Variants in ANAPC10 observed in about 807,000 individuals in gnomAD.
ANAPC10 encodes the protein anaphase promoting complex subunit 10, also known as anaphase-promoting complex subunit 10.
In ANAPC10, 12 loss-of-function variants were observed where a neutral mutation model predicts 22.0. The observed-to-expected ratio is 0.55, with a 90% CI of 0.35 to 0.88. The LOEUF is 0.88. ANAPC10 is among the 40% of genes least tolerant of loss of function. The pLI, the probability that ANAPC10 is intolerant of heterozygous loss-of-function variation, is 0.01. For missense variants in ANAPC10, 188 were observed against 220.9 expected, an observed-to-expected ratio of 0.85 and a Z score of 0.94; for synonymous variants, 65 against 69.5, an observed-to-expected ratio of 0.94 and a Z score of 0.32.
intron 1 of ANAPC10, chr4:145,097,382 A>C: frequency 5.9e-6 from 5 of 853,714 alleles, no homozygotes; most frequent in Non-Finnish European, 8.4e-6. Flanking sequence ...TATGTGAAAA[A>C]ACACTTCAAT....
intron 2 of ANAPC10, among the ~76,000 whole-genome samples, chr4:145,085,542 T>C (rs576527665): frequency 6.6e-6 from 1 of 152,110 alleles, no homozygotes; most frequent in South Asian, 2.1e-4. Flanking sequence ...TAGTATTTGT[T>C]CTTAAAATGC....
rs1287102797 is a variant in ANAPC10, at chr4:145,026,945, A to ATATATATATATATATGTGTG, written c.328-31343_328-31342insCACACATATATATATATATA. 4.4e-3 allele frequency among the ~76,000 whole-genome samples: 76 copies of ATATATATATATATATGTGTG among 17,132 alleles called. 1 individual carries two copies. Among genetic ancestry groups the ATATATATATATATATGTGTG allele is most frequent in the South Asian group, 0.016 (3 of 188 alleles). 11.2% of individuals were successfully genotyped at this position (17,132 alleles called of 152,430 possible). ...CATATATATATATATATATATATATATGTGTGTGTGTGTATATATATATAT... is the reference window on the plus strand; with the variant it reads ...CATATATATATATATATATATATATATATATATATATATATGTGTGTGTGTGTGTGTGTATATATATATAT... On this transcript the variant is annotated intron_variant, in intron 4 of 4. Transcript: ENST00000507656.
At chr4:145,031,179 T>C (rs1200171080) in intron 4 of ANAPC10, among the ~76,000 whole-genome samples, 1 of 152,220 alleles carries the variant, frequency 6.6e-6, no homozygotes, top group Non-Finnish European at 1.5e-5. Flanking sequence ...CTTTGTGTCA[T>C]AATCTTATTC....
intron 3 of ANAPC10, among the ~76,000 whole-genome samples, chr4:145,076,079 T>G (rs987682829): frequency 9.2e-5 from 14 of 152,190 alleles, no homozygotes; most frequent in Non-Finnish European, 1.3e-4. Flanking sequence ...GCCACTGCCA[T>G]AGCTTTTTCA....
At chr4:145,089,085 T>C (rs73851360) in intron 2 of ANAPC10, among the ~76,000 whole-genome samples, 1 of 152,134 alleles carries the variant, frequency 6.6e-6, no homozygotes, top group Admixed American at 6.6e-5. Context: ...CCTTCCATAA[T>C]CCCACAAACT....
At chr4:145,079,853 C>T (rs777111196) in intron 3 of ANAPC10, among the ~76,000 whole-genome samples, 8 of 152,074 alleles carry the variant, frequency 5.3e-5, no homozygotes, top group Non-Finnish European at 8.8e-5. Context: ...GTGGCTCACA[C>T]GTATAATCCC....
Position 145,096,024 on chromosome 4 carries a change from C to G in ANAPC10, c.76G>C (p.Gly26Arg). 1 of 1,614,022 alleles carries G rather than the reference C, an allele frequency of 6.2e-7. No individual in the cohort carries two copies. The highest frequency in any genetic ancestry group is 8.5e-7 in the Non-Finnish European group (1 of 1,179,954). Residue 26 changes from glycine to arginine, a missense_variant, in exon 2 of 5, where the codon GGG (glycine) becomes CGG (arginine). By Grantham distance (125) the Gly-to-Arg change is moderately radical. Transcript: ENST00000507656. Reference sequence around the variant, plus strand: ...GAGAGTGACCAAACAGCTTGTGACCCAATTTCCCGTACTGTTCCAGTCCTT... The same window carrying G: ...GAGAGTGACCAAACAGCTTGTGACCGAATTTCCCGTACTGTTCCAGTCCTT... ...LERTGTVREI[G>R]SQAVWSLSSC...
Position 145,074,060 on chromosome 4 carries a change from T to TA in ANAPC10, c.206+7599dup, listed in dbSNP as rs539431260. Among the ~76,000 whole-genome samples the TA allele has an allele frequency of 1.1e-3, 170 of 151,914 alleles. 1 individual carries two copies. The highest frequency in any genetic ancestry group is 9.6e-4 in the Non-Finnish European group (65 of 67,856). ...TTAAAATATTATTCCCAATATTCCTTAAAAAATTATTAACGAATTTTGAAA... is the reference window on the plus strand; with the variant it reads ...TTAAAATATTATTCCCAATATTCCTTAAAAAAATTATTAACGAATTTTGAAA... On this transcript the variant is annotated intron_variant, in intron 3 of 4. Transcript: ENST00000507656.
chr4:145,022,784 A>G (rs1188011538), intron 4 of ANAPC10, among the ~76,000 whole-genome samples: 1 of 151,654 alleles, frequency 6.6e-6, no homozygotes, highest in Non-Finnish European at 1.5e-5. Context: ...AACTTTATAA[A>G]AAACTGCCAA....
chr4:145,057,709 T>G (rs1038513736), intron 4 of ANAPC10, among the ~76,000 whole-genome samples: 2 of 152,170 alleles, frequency 1.3e-5, no homozygotes, highest in African/African-American at 4.8e-5. Context: ...TCTCATTATC[T>G]AAGTCCCTTT....
intron 4 of ANAPC10, among the ~76,000 whole-genome samples, chr4:145,038,025 C>T (rs935394754): frequency 1.4e-5 from 2 of 147,666 alleles, no homozygotes; most frequent in African/African-American, 5.0e-5. Flanking sequence ...CAACTGATAA[C>T]AATGAAGCCT....
chr4:145,037,018 GTGTGTGTGTGTGTGTGTGTGTA>G (rs981139865), intron 4 of ANAPC10, among the ~76,000 whole-genome samples: 5 of 142,294 alleles, frequency 3.5e-5, no homozygotes, highest in Admixed American at 1.4e-4. Context: ...GTGTGTGTGT[GTGTGTGTGTGTGTGTGTGTGTA>G]TGTGTGTGCA....
chr4:145,050,992 C>T (rs984734167), intron 4 of ANAPC10, among the ~76,000 whole-genome samples: 3 of 152,188 alleles, frequency 2.0e-5, no homozygotes, highest in Non-Finnish European at 4.4e-5. Context: ...TTCACAACTT[C>T]GCTGTTTGGA....
At chr4:145,025,183 A>C (rs1329081443) in intron 4 of ANAPC10, among the ~76,000 whole-genome samples, 1 of 152,110 alleles carries the variant, frequency 6.6e-6, no homozygotes, top group Non-Finnish European at 1.5e-5. Context: ...TTGATTTTCT[A>C]TCCAGAACAT....
chr4:145,075,179 A>T (rs567052237), intron 3 of ANAPC10, among the ~76,000 whole-genome samples: 12 of 152,246 alleles, frequency 7.9e-5, no homozygotes, highest in African/African-American at 2.9e-4. Flanking sequence ...TAGCAACCAC[A>T]TCACACTGTT....
intron 3 of ANAPC10, among the ~76,000 whole-genome samples, chr4:145,067,646 TG>T (rs1743903389): frequency 6.6e-6 from 1 of 152,220 alleles, no homozygotes; most frequent in Non-Finnish European, 1.5e-5. Context: ...ATATCAGTTC[TG>T]TCTGTTTTAT....
intron 4 of ANAPC10, among the ~76,000 whole-genome samples, chr4:145,009,038 A>C (rs1456685466): frequency 6.6e-6 from 1 of 152,126 alleles, no homozygotes; most frequent in Non-Finnish European, 1.5e-5. Context: ...ATTCCTATAC[A>C]CTAATAACAG....
At chr4:145,031,101 T>G (rs756895343) in intron 4 of ANAPC10, among the ~76,000 whole-genome samples, 18 of 152,204 alleles carry the variant, frequency 1.2e-4, no homozygotes, top group Non-Finnish European at 2.4e-4. Context: ...CAGAAGCAAT[T>G]TGCCTTCAGC....
chr4:145,027,263 T>TA (rs1394799907), intron 4 of ANAPC10, among the ~76,000 whole-genome samples: 2 of 151,238 alleles, frequency 1.3e-5, no homozygotes, highest in Non-Finnish European at 2.9e-5. Flanking sequence ...CTCAGCCTCT[T>TA]AGAGTGCTGA....
Sources: allele counts gnomAD v4.1 joint callset (sites outside exome capture counted in the v4.1 genomes callset), GRCh38; gene constraint gnomAD v4.1.1; transcripts MANE v1.5; gene names NCBI Gene and HGNC (gene_info 2026-07-23, HGNC 2026-07-21).